PDE8B: variants seen among roughly 807,000 people sequenced by gnomAD.
PDE8B encodes high affinity cAMP-specific and IBMX-insensitive 3',5'-cyclic phosphodiesterase 8B.
Under a neutral mutation model 101.3 loss-of-function variants are expected in PDE8B, and 26 were observed. The ratio of observed to expected loss-of-function variants is 0.26; its 90% CI spans 0.19 to 0.36. The LOEUF (loss-of-function observed/expected upper bound fraction) is 0.36. PDE8B is among the 10% of genes least tolerant of loss of function. The pLI is 1.00. For synonymous variants in PDE8B, 424 were observed against 429.3 expected, an observed-to-expected ratio of 0.99 and a Z score of 0.15; for missense variants, 810 against 1,163.1, an observed-to-expected ratio of 0.70 and a Z score of 4.42.
At chr5:77,425,927 A>T in intron 21 of PDE8B, 31 bp downstream of exon 21, 1 of 1,601,694 alleles carries the variant, frequency 6.2e-7, no homozygotes, top group Non-Finnish European at 8.6e-7. Context: ...TCACCCAAAG[A>T]AAATTGTTAT....
intron 2 of PDE8B, among the ~76,000 whole-genome samples, chr5:77,318,064 A>AAAAC (rs1554079334): frequency 6.6e-6 from 1 of 150,826 alleles, no homozygotes; most frequent in Non-Finnish European, 1.5e-5. Context: ...TCAAAAAAAA[A>AAAAC]AAAAAAAAAA....
At chr5:77,162,857 C>G in the PDE8B span, among the ~76,000 whole-genome samples, 1 of 152,186 alleles carries the variant, frequency 6.6e-6, no homozygotes, top group Non-Finnish European at 1.5e-5. Context: ...TCTCAGGGTA[C>G]AAGTCTGTAG....
chr5:77,195,247 T>A, the PDE8B span, among the ~76,000 whole-genome samples: 1 of 152,232 alleles, frequency 6.6e-6, no homozygotes, highest in East Asian at 1.9e-4. Flanking sequence ...GAGATCGAAC[T>A]TAGCCTCAAG....
At chr5:77,409,363 A>G (rs1417547361) in intron 14 of PDE8B, among the ~76,000 whole-genome samples, 1 of 152,176 alleles carries the variant, frequency 6.6e-6, no homozygotes, top group African/African-American at 2.4e-5. Flanking sequence ...GGGGCTTTGC[A>G]GGCTCTTGAT....
intron 20 of PDE8B, among the ~76,000 whole-genome samples, chr5:77,423,620 T>C (rs1476072194): frequency 3.7e-5 from 4 of 108,574 alleles, no homozygotes; most frequent in East Asian, 4.6e-4. Flanking sequence ...TGCTGGACTT[T>C]TGTTTTGTTT....
At chr5:77,114,592 C>T in the PDE8B span, 2 of 152,188 alleles carry the variant, frequency 1.3e-5, no homozygotes, top group Middle Eastern at 3.4e-3. Context: ...AGCATATCAA[C>T]ATGGCACATG....
chr5:77,229,811 A>T (rs1753178645), intron 1 of PDE8B, among the ~76,000 whole-genome samples: 1 of 152,134 alleles, frequency 6.6e-6, no homozygotes, highest in South Asian at 2.1e-4. Context: ...CATTGTATGG[A>T]TATACTACAT....
At chr5:77,416,161 T>A (rs952093351) in intron 17 of PDE8B, among the ~76,000 whole-genome samples, 3 of 152,198 alleles carry the variant, frequency 2.0e-5, no homozygotes, top group African/African-American at 7.2e-5. Context: ...CAGGACCCAT[T>A]ATTGGTATCT....
chr5:77,148,912 G>C, the PDE8B span, among the ~76,000 whole-genome samples: 2 of 152,008 alleles, frequency 1.3e-5, no homozygotes, highest in Non-Finnish European at 1.5e-5. Flanking sequence ...TCCTTTAACT[G>C]TCATGATTTT....
chr5:77,185,749 C>T, the PDE8B span, among the ~76,000 whole-genome samples: 2 of 152,090 alleles, frequency 1.3e-5, no homozygotes, highest in African/African-American at 4.8e-5. Context: ...ATTTCCTAAC[C>T]CAAAACTGTT....
chr5:77,244,261 G>A (rs901939426), intron 1 of PDE8B, among the ~76,000 whole-genome samples: 1 of 152,198 alleles, frequency 6.6e-6, no homozygotes, highest in Non-Finnish European at 1.5e-5. Context: ...GACTCCAGCT[G>A]TAGGCTCAGC....
intron 1 of PDE8B, among the ~76,000 whole-genome samples, chr5:77,287,732 G>C (rs1397904934): frequency 6.6e-6 from 1 of 151,906 alleles, no homozygotes; most frequent in African/African-American, 2.4e-5. Context: ...TGTTCACTGT[G>C]TCTAATATCC....
chr5:77,354,391 G>C (rs1006487351), intron 10 of PDE8B, among the ~76,000 whole-genome samples: 4 of 152,196 alleles, frequency 2.6e-5, no homozygotes, highest in Admixed American at 2.0e-4. Flanking sequence ...CTGAAATCAG[G>C]ATGTTTTCAC....
chr5:77,119,394 C>T, the PDE8B span: 2 of 152,220 alleles, frequency 1.3e-5, no homozygotes, highest in African/African-American at 4.8e-5. Flanking sequence ...CGTGGTGGCT[C>T]ACGCCTGTAA....
chr5:77,426,485 C>T lies in PDE8B; in HGVS notation c.2589C>T (p.Asp863=). The T allele has an allele frequency of 6.2e-7, 1 of 1,613,672 alleles. No individual in the cohort carries two copies. The highest frequency in any genetic ancestry group is 1.1e-5 in the South Asian group (1 of 91,054). Reference sequence around the variant, plus strand: ...CAGCCCTGATGCAACATTTGGCTGACAACTACAAACACTGGAAGACACTAG... The same window carrying T: ...CAGCCCTGATGCAACATTTGGCTGATAACTACAAACACTGGAAGACACTAG... The part of the protein sequence containing the change: ...HLPALMQHLA[D]NYKHWKTLDD... The change falls in exon 22 of 22, where the codon GAC becomes GAT. Residue 863 remains aspartate, a synonymous_variant. Coordinates refer to ENST00000264917, the MANE Select transcript of PDE8B (RefSeq NM_003719.5).
intron 2 of PDE8B, among the ~76,000 whole-genome samples, chr5:77,321,605 C>G (rs1236835404): frequency 1.3e-5 from 2 of 152,164 alleles, no homozygotes; most frequent in East Asian, 1.9e-4. Flanking sequence ...GGATCTACTT[C>G]TTTCCTGGAG....
chr5:77,167,690 G>C, the PDE8B span, among the ~76,000 whole-genome samples: 1 of 152,154 alleles, frequency 6.6e-6, no homozygotes, highest in Admixed American at 6.5e-5. Context: ...AAGACAAGCT[G>C]GCTGCTCCTG....
chr5:77,238,366 G>A (rs979030258), intron 1 of PDE8B, among the ~76,000 whole-genome samples: 2 of 151,678 alleles, frequency 1.3e-5, no homozygotes, highest in African/African-American at 2.4e-5. Context: ...CTATCCAGTT[G>A]GTTTTTTATT....
intron 1 of PDE8B, among the ~76,000 whole-genome samples, chr5:77,227,136 C>T (rs1752566167): frequency 6.6e-6 from 1 of 152,118 alleles, no homozygotes; most frequent in Admixed American, 6.6e-5. Context: ...ATCACCAAGA[C>T]CTAAAATCAA....
Sources: gnomAD v4.1 joint callset for allele counts (sites outside exome capture counted in the v4.1 genomes callset) on GRCh38, gnomAD v4.1.1 for gene constraint, MANE v1.5 for transcripts, NCBI Gene and HGNC (gene_info 2026-07-23, HGNC 2026-07-21) for gene names.